The following CTDSPL variants were observed in gnomAD, a reference collection of about 807,000 sequenced individuals.
The protein encoded by CTDSPL is CTD small phosphatase-like protein.
Under a neutral mutation model 30.5 loss-of-function variants are expected in CTDSPL, and 8 were observed. That is an observed-to-expected ratio of 0.26 (90% CI 0.15 to 0.47). The LOEUF is 0.47. Among genes scored for constraint, CTDSPL ranks in the 20% least tolerant of loss-of-function variants. CTDSPL has a pLI of 0.99. For synonymous variants in CTDSPL, 110 were observed against 137.9 expected (o/e 0.80, Z 1.42); for missense variants, 248 against 366.1 (o/e 0.68, Z 2.63).
chr3:37,974,176 A>G (rs1483147463), intron 6 of CTDSPL, among the ~76,000 whole-genome samples: 4 of 152,228 alleles, frequency 2.6e-5, no homozygotes, highest in African/African-American at 7.2e-5. Flanking sequence ...TCAGTTGCCT[A>G]CAACCCACCC....
chr3:37,865,793 G>C (rs1335170286), intron 1 of CTDSPL, among the ~76,000 whole-genome samples: 1 of 152,096 alleles, frequency 6.6e-6, no homozygotes, highest in Non-Finnish European at 1.5e-5. Flanking sequence ...CTTTTACCTG[G>C]AAAGCAGAAA....
intron 1 of CTDSPL, among the ~76,000 whole-genome samples, chr3:37,872,828 C>T (rs907953936): frequency 6.6e-6 from 1 of 152,084 alleles, no homozygotes; most frequent in African/African-American, 2.4e-5. Context: ...CCGCCCTGGC[C>T]TCCCAAAGTG....
At chr3:37,914,016 C>T (rs777978161) in intron 1 of CTDSPL, among the ~76,000 whole-genome samples, 2 of 152,128 alleles carry the variant, frequency 1.3e-5, no homozygotes, top group African/African-American at 4.8e-5. Context: ...AATCTGTAGG[C>T]GAGTTTGGCA....
chr3:37,930,525 G>A (rs1163460502), intron 1 of CTDSPL, among the ~76,000 whole-genome samples: 1 of 151,830 alleles, frequency 6.6e-6, no homozygotes, highest in African/African-American at 2.4e-5. Flanking sequence ...CCCAGGCTTG[G>A]TCTCGAACTC....
At chr3:37,866,822 A>G (rs535432794) in intron 1 of CTDSPL, among the ~76,000 whole-genome samples, 5 of 152,330 alleles carry the variant, frequency 3.3e-5, no homozygotes, top group African/African-American at 1.2e-4. Flanking sequence ...CAAAGAGAAG[A>G]CTTTTGGAAG....
intron 6 of CTDSPL, among the ~76,000 whole-genome samples, chr3:37,972,123 G>A (rs897528916): frequency 1.3e-5 from 2 of 152,318 alleles, no homozygotes; most frequent in African/African-American, 4.8e-5. Flanking sequence ...TTGAGCACTT[G>A]CTGTGTTCCA....
chr3:37,886,613 C>T (rs114469137), intron 1 of CTDSPL, among the ~76,000 whole-genome samples: 1 of 152,144 alleles, frequency 6.6e-6, no homozygotes, highest in Non-Finnish European at 1.5e-5. Context: ...TCAGAGAGAC[C>T]AAGGGACATC....
At chr3:37,973,411 TTGTTCGG>T (rs1411644792) in intron 6 of CTDSPL, among the ~76,000 whole-genome samples, 3 of 152,368 alleles carry the variant, frequency 2.0e-5, no homozygotes, top group African/African-American at 7.2e-5. Context: ...TTAAACATCC[TTGTTCGG>T]TTACTCTTCC....
intron 1 of CTDSPL, among the ~76,000 whole-genome samples, chr3:37,916,417 T>C (rs1698647653): frequency 6.6e-6 from 1 of 152,236 alleles, no homozygotes; most frequent in Non-Finnish European, 1.5e-5. Context: ...TTCAAAATGT[T>C]ACCTTATTTG....
chr3:37,863,022 TCAGA>T (rs751965430), intron 1 of CTDSPL, among the ~76,000 whole-genome samples: 1 of 152,194 alleles, frequency 6.6e-6, no homozygotes, highest in Admixed American at 6.5e-5. Flanking sequence ...TTCCTGTGTA[TCAGA>T]CAATGAGGCC....
intron 1 of CTDSPL, among the ~76,000 whole-genome samples, chr3:37,874,716 G>A (rs1029312416): frequency 4.6e-5 from 7 of 152,010 alleles, no homozygotes; most frequent in South Asian, 2.1e-4. Context: ...GCGACAGAGC[G>A]AGACTCTGTC....
intron 1 of CTDSPL, among the ~76,000 whole-genome samples, chr3:37,885,812 G>A (rs886900110): frequency 7.2e-5 from 11 of 152,134 alleles, no homozygotes; most frequent in African/African-American, 2.7e-4. Context: ...GCAAAGGGGT[G>A]GAGATTTATA....
intron 3 of CTDSPL, among the ~76,000 whole-genome samples, chr3:37,959,255 G>A (rs1699209684): frequency 6.6e-6 from 1 of 152,192 alleles, no homozygotes; most frequent in South Asian, 2.1e-4. Flanking sequence ...CTGTTTGTAT[G>A]TGTAGGTTTG....
intron 6 of CTDSPL, among the ~76,000 whole-genome samples, chr3:37,972,293 T>C (rs1189063441): frequency 6.6e-6 from 1 of 152,128 alleles, no homozygotes; most frequent in African/African-American, 2.4e-5. Flanking sequence ...GGTCAGGAGT[T>C]CAAGACCAAC....
At chr3:37,936,942 G>GTA (rs1698923924) in intron 1 of CTDSPL, among the ~76,000 whole-genome samples, 1 of 133,492 alleles carries the variant, frequency 7.5e-6, no homozygotes, top group Non-Finnish European at 1.8e-5. Context: ...TGATGAGAAA[G>GTA]AAGCTAGTTT....
chr3:37,899,840 T>A (rs1405076213), intron 1 of CTDSPL, among the ~76,000 whole-genome samples: 1 of 152,214 alleles, frequency 6.6e-6, no homozygotes, highest in African/African-American at 2.4e-5. Context: ...CTCCTTAGCT[T>A]TGCTGCTTAT....
intron 1 of CTDSPL, among the ~76,000 whole-genome samples, chr3:37,933,897 A>G (rs1341999094): frequency 6.6e-6 from 1 of 152,192 alleles, no homozygotes; most frequent in South Asian, 2.1e-4. Flanking sequence ...GGACAACTAG[A>G]TTGTTCCTAG....
chr3:37,873,354 G>A (rs1283352140), intron 1 of CTDSPL, among the ~76,000 whole-genome samples: 1 of 152,176 alleles, frequency 6.6e-6, no homozygotes, highest in African/African-American at 2.4e-5. Flanking sequence ...GTTACAGAGA[G>A]TAGGCTTTTA....
intron 1 of CTDSPL, among the ~76,000 whole-genome samples, chr3:37,924,476 A>G (rs2125612005): frequency 6.6e-6 from 1 of 152,338 alleles, no homozygotes; most frequent in Non-Finnish European, 1.5e-5. Context: ...ACAATGGTGT[A>G]CAAGAGGGCA....
Sources: allele counts gnomAD v4.1 joint callset (sites outside exome capture counted in the v4.1 genomes callset), GRCh38; gene constraint gnomAD v4.1.1; transcripts MANE v1.5; gene names NCBI Gene and HGNC (gene_info 2026-07-23, HGNC 2026-07-21).